Variants in BCL9 observed in about 807,000 individuals in gnomAD.
BCL9 encodes B-cell CLL/lymphoma 9 protein.
A neutral mutation model predicts 88.5 loss-of-function variants in BCL9; 25 were observed. The ratio of observed to expected loss-of-function variants is 0.28; its 90% CI spans 0.21 to 0.39. The LOEUF (loss-of-function observed/expected upper bound fraction) is 0.39, where lower values mean the gene tolerates loss of function less well. BCL9 is among the 10% of genes least tolerant of loss of function. The pLI is 1.00. For missense variants in BCL9, 1,817 were observed against 1,877.8 expected (o/e 0.97, Z 0.60); for synonymous variants, 711 against 673.3 (o/e 1.06, Z -0.87).
chr1:147,616,007 AG>A, intron 7 of BCL9, 105 bp downstream of exon 7: 1 of 1,113,660 alleles, frequency 9.0e-7, no homozygotes, highest in Non-Finnish European at 1.3e-6. Flanking sequence ...TGATGGCATG[AG>A]TTGCATTCTT....
At position 147,618,892 on chromosome 1, in the gene BCL9, A is replaced by G. The variant is rs587705432; in HGVS notation, c.737A>G (p.Gln246Arg). ...QQPPAPANQD[Q>R]NSSQNTRLQP... The stretch of plus-strand genomic sequence containing the variant: ...CCCCCAGCTCCGGCCAACCAGGACC[A>G]GAATTCTTCCCAGAATACCAGACTG... Residue 246 changes from glutamine (Q) to arginine (R), a missense_variant, in exon 8 of 10, where the codon CAG becomes CGG. This residue lies in a region of BCL9 where 1,228 missense variants were observed against 1,191.6 expected (regional missense o/e 1.03). Coordinates refer to ENST00000234739, the MANE Select transcript of BCL9 (RefSeq NM_004326.4). The G allele has an allele frequency of 2.5e-6, 4 of 1,612,790 alleles. No individual in the cohort carries two copies. In the South Asian group the frequency reaches 4.4e-5, roughly 18 times the overall value.
Position 147,625,019 on chromosome 1 carries a change from C to T in BCL9, c.*60C>T. 1.3e-6 allele frequency: 2 copies of T among 1,553,444 alleles called. No homozygotes were observed. The highest frequency in any genetic ancestry group is 1.2e-5 in the South Asian group (1 of 82,146). Reference sequence around the variant, plus strand: ...ATGAGATTCCAGGTCCTGAGAGCTGCTTTGAGGGAGTTCCAGGAGTACTTA... The same window carrying T: ...ATGAGATTCCAGGTCCTGAGAGCTGTTTTGAGGGAGTTCCAGGAGTACTTA... On this transcript the variant is annotated 3_prime_UTR_variant, in exon 10 of 10. Coordinates refer to ENST00000234739, the MANE Select transcript of BCL9 (RefSeq NM_004326.4).
At position 147,624,791 on chromosome 1, in the gene BCL9, C is replaced by A. The variant is rs782010364; in HGVS notation, c.4113C>A (p.His1371Gln). The A allele has an allele frequency of 7.4e-6, 12 of 1,614,152 alleles. No homozygotes were observed. The highest frequency in any genetic ancestry group is 1.0e-5 in the Non-Finnish European group (12 of 1,180,000). The change falls in exon 10 of 10, where the codon CAC becomes CAA. Residue 1371 changes from histidine (H) to glutamine (Q), a missense_variant. This residue lies in a region of BCL9 where 589 missense variants were observed against 686.2 expected (regional missense o/e 0.86). Transcript: ENST00000234739. The surrounding 1 kb of genome is among the most constrained non-coding windows in gnomAD (Gnocchi z 4.4). ...GGGGGCCTGCCGGGCTCTACACCCA[C>A]CCTGGGCCTGTGGGCTCTCCAGGCA... ...KDRGPAGLYT[H>Q]PGPVGSPGMM...
Position 147,622,285 on chromosome 1 carries a change from C to T in BCL9, c.2917C>T (p.Pro973Ser). The T allele has an allele frequency of 1.2e-6, 2 of 1,614,174 alleles. No individual in the cohort carries two copies. The highest frequency in any genetic ancestry group is 1.7e-6 in the Non-Finnish European group (2 of 1,180,028). ...GNVESGGPPPPTASQPASVNI... is the reference protein window; with the variant it reads ...GNVESGGPPPSTASQPASVNI... ...CTTCCTTTTAGGTGGCCCCCCACCT[C>T]CTACAGCCAGCCAGCCTGCCTCTGT... Residue 973 changes from proline (P) to serine (S), a missense_variant, in exon 9 of 10, where the codon CCT becomes TCT. Transcript: ENST00000234739.
chr1:147,566,680 C>T (rs1283385865), intron 1 of BCL9, among the ~76,000 whole-genome samples: 1 of 151,734 alleles, frequency 6.6e-6, no homozygotes, highest in Non-Finnish European at 1.5e-5. Context: ...TGCGTGAACC[C>T]GGGAGGCGGA....
intron 1 of BCL9, among the ~76,000 whole-genome samples, chr1:147,563,394 G>A (rs1324105959): frequency 1.3e-5 from 2 of 152,148 alleles, no homozygotes; most frequent in African/African-American, 2.4e-5. Flanking sequence ...AAATGAGTGG[G>A]TTCTATTAAG....
intron 5 of BCL9, among the ~76,000 whole-genome samples, chr1:147,613,753 G>T (rs1160071083): frequency 1.3e-5 from 2 of 152,134 alleles, no homozygotes; most frequent in Non-Finnish European, 2.9e-5. Flanking sequence ...TAGAGATTTG[G>T]CAGGCACCAA....
At chr1:147,587,179 T>C (rs1656650907) in intron 1 of BCL9, among the ~76,000 whole-genome samples, 1 of 151,914 alleles carries the variant, frequency 6.6e-6, no homozygotes, top group Admixed American at 6.6e-5. Context: ...CCCGCCCCCA[T>C]AGCCGCTAAG....
intron 1 of BCL9, among the ~76,000 whole-genome samples, chr1:147,573,205 C>T (rs1167024989): frequency 6.6e-6 from 1 of 152,186 alleles, no homozygotes; most frequent in Non-Finnish European, 1.5e-5. Flanking sequence ...AATCCCAGCA[C>T]TTTGGGAGGA....
intron 8 of BCL9, among the ~76,000 whole-genome samples, chr1:147,621,742 C>T (rs1215416233): frequency 6.6e-6 from 1 of 152,172 alleles, no homozygotes; most frequent in Non-Finnish European, 1.5e-5. Context: ...TAAAGTGCCT[C>T]TCTGTAGGGT....
chr1:147,596,416 C>T (rs1226744834), intron 1 of BCL9, among the ~76,000 whole-genome samples: 139,959 of 140,884 alleles, frequency 0.99, 69,595 homozygotes, highest in Middle Eastern at 1. Flanking sequence ...TTTTTCTTTT[C>T]TTTTTTTTTT....
intron 1 of BCL9, among the ~76,000 whole-genome samples, chr1:147,601,872 AATTGT>A (rs1336830299): frequency 6.6e-6 from 1 of 152,064 alleles, no homozygotes; most frequent in East Asian, 1.9e-4. Flanking sequence ...TAAAAAGAGA[AATTGT>A]ATTTTATTTT....
At chr1:147,584,184 A>T (rs1656495934) in intron 1 of BCL9, among the ~76,000 whole-genome samples, 3 of 151,752 alleles carry the variant, frequency 2.0e-5, no homozygotes, top group African/African-American at 7.3e-5. Flanking sequence ...AGTAGCTGGG[A>T]TTACAGGCGC....
Position 147,620,747 on chromosome 1 carries a change from G to A in BCL9, c.2592G>A (p.Lys864=), listed in dbSNP as rs902337797. 4 of 1,614,080 alleles carry A rather than the reference G, an allele frequency of 2.5e-6. No homozygotes were observed. Among genetic ancestry groups the A allele is most frequent in the African/African-American group, 1.3e-5 (1 of 75,046 alleles). ...ATTCCCCAGGCATTAACCCTCTGAA[G>A]TCTCCCACGATGCACCAAGTCCAGT... is the stretch of plus-strand genomic sequence containing the variant. ...QVHSPGINPL[K]SPTMHQVQSP... The change falls in exon 8 of 10, where the codon AAG becomes AAA. Residue 864 remains lysine (K), a synonymous_variant. Transcript: ENST00000234739.
chr1:147,626,147 T>A lies in BCL9; in HGVS notation c.*1188T>A. The A allele has an allele frequency of 4.9e-6, 1 of 206,108 alleles. No individual in the cohort carries two copies. The highest frequency in any genetic ancestry group is 1.9e-4 in the South Asian group (1 of 5,300). The allele number at this position is 206,108 out of a possible 1,614,324, so 12.8% of individuals were successfully genotyped here. The stretch of plus-strand genomic sequence containing the variant: ...GTAAGACGTTCTGTGTAACCTCCAT[T>A]AAATTTGGTACAAAACCACTCGCCA... On this transcript the variant is annotated 3_prime_UTR_variant, in exon 10 of 10. Transcript: ENST00000234739.
chr1:147,623,500 G>A (rs960688021), intron 9 of BCL9, among the ~76,000 whole-genome samples: 1 of 152,170 alleles, frequency 6.6e-6, no homozygotes, highest in Admixed American at 6.5e-5. Context: ...GACCGTACTT[G>A]AGTCATTCAG....
At chr1:147,570,361 G>A (rs1281455930) in intron 1 of BCL9, among the ~76,000 whole-genome samples, 2 of 152,310 alleles carry the variant, frequency 1.3e-5, no homozygotes, top group East Asian at 3.9e-4. Context: ...GCATTGAGGA[G>A]TCAATAGTCC....
intron 1 of BCL9, among the ~76,000 whole-genome samples, chr1:147,583,909 C>T (rs868930938): frequency 1.3e-5 from 2 of 152,044 alleles, no homozygotes; most frequent in East Asian, 2.0e-4. Flanking sequence ...GCCAAGATTG[C>T]GCCACTGCCC....
intron 1 of BCL9, among the ~76,000 whole-genome samples, chr1:147,582,648 A>C (rs1347035110): frequency 1.3e-5 from 2 of 152,198 alleles, no homozygotes; most frequent in African/African-American, 4.8e-5. Context: ...CAGAATAATA[A>C]TACTGCATCA....
Sources: gnomAD v4.1 joint callset for allele counts (sites outside exome capture counted in the v4.1 genomes callset) on GRCh38, gnomAD v4.1.1 for gene constraint, gnomAD v4.1.1 regional missense constraint, Gnocchi (gnomAD v3.1) non-coding constraint, MANE v1.5 for transcripts, NCBI Gene and HGNC (gene_info 2026-07-23, HGNC 2026-07-21) for gene names.